ZNF880: variants seen among roughly 807,000 people sequenced by gnomAD.
ZNF880 encodes the protein zinc finger protein LOC400713.
In ZNF880, 12 loss-of-function variants were observed where a neutral mutation model predicts 11.8. The ratio of observed to expected loss-of-function variants is 1.02; its 90% CI spans 0.65 to 1.65. The LOEUF is 1.65. Among genes scored for constraint, ZNF880 ranks in the 40% most tolerant of loss-of-function variants. The pLI, the probability that ZNF880 is intolerant of heterozygous loss-of-function variation, is 0.00. For missense variants in ZNF880, 601 were observed against 673.9 expected, an observed-to-expected ratio of 0.89 and a Z score of 1.20; for synonymous variants, 210 against 232.4, an observed-to-expected ratio of 0.90 and a Z score of 0.88.
At chr19:52,378,562 G>A (rs962151802) in intron 3 of ZNF880, among the ~76,000 whole-genome samples, 3 of 147,994 alleles carry the variant, frequency 2.0e-5, no homozygotes, top group South Asian at 2.1e-4. Flanking sequence ...CAGGAGAATC[G>A]CTTCAACCCG....
rs778407721 is a variant in ZNF880 at position 52,374,300 on chromosome 19, A to T, written c.141A>T (p.Gly47=). Residue 47 remains glycine, a splice_region_variant and synonymous_variant, in exon 3 of 4, where the codon GGA becomes GGT. Coordinates refer to ENST00000422689, the MANE Select transcript of ZNF880 (RefSeq NM_001145434.2). Reference sequence around the variant, plus strand: ...GATATTCTTTCTTTTTTTAAATAGGAATCTGTCTTCCTGACCTGAGTGTTA... The same window carrying T: ...GATATTCTTTCTTTTTTTAAATAGGTATCTGTCTTCCTGACCTGAGTGTTA... ...VENYRNLVFL[G]ICLPDLSVIS... 1 of 1,611,648 alleles carries T rather than the reference A, an allele frequency of 6.2e-7. No homozygotes were observed. The highest frequency in any genetic ancestry group is 1.1e-5 in the South Asian group (1 of 90,922).
intron 3 of ZNF880, among the ~76,000 whole-genome samples, chr19:52,378,300 AG>A (rs1255824702): frequency 6.6e-6 from 1 of 152,150 alleles, no homozygotes; most frequent in African/African-American, 2.4e-5. Context: ...TAACGGGAGT[AG>A]GTGGCTCTTC....
chr19:52,370,979 A>C (rs1986351367), intron 1 of ZNF880, among the ~76,000 whole-genome samples: 1 of 152,226 alleles, frequency 6.6e-6, no homozygotes, highest in African/African-American at 2.4e-5. Flanking sequence ...CAACTCTTTC[A>C]GTTGTCACAT....
the ZNF880 span, among the ~76,000 whole-genome samples, chr19:52,394,250 A>G: frequency 6.6e-6 from 1 of 151,618 alleles, no homozygotes; most frequent in African/African-American, 2.4e-5. Flanking sequence ...TATTATTATT[A>G]TTTTGAGACA....
At chr19:52,377,542 G>C (rs1056586748) in intron 3 of ZNF880, among the ~76,000 whole-genome samples, 3 of 152,184 alleles carry the variant, frequency 2.0e-5, no homozygotes, top group African/African-American at 7.2e-5. Context: ...CCCTACCTCA[G>C]CAACCAATCA....
At chr19:52,387,763 A>T (rs989399790), downstream of ZNF880, among the ~76,000 whole-genome samples, 1 of 142,992 alleles carries the variant, frequency 7.0e-6, no homozygotes, top group Non-Finnish European at 1.5e-5. Flanking sequence ...ATACTATTAA[A>T]TGAAAGAAAG....
At chr19:52,374,246 G>A (rs1986485743) in intron 2 of ZNF880, 53 bp from the exon 3 acceptor site, 1 of 1,490,670 alleles carries the variant, frequency 6.7e-7, no homozygotes, top group South Asian at 1.3e-5. Flanking sequence ...GTAGAGATGG[G>A]GTTTCACCGT....
chr19:52,379,203 T>G (rs1986640405), intron 3 of ZNF880, among the ~76,000 whole-genome samples: 1 of 150,354 alleles, frequency 6.7e-6, no homozygotes, highest in Non-Finnish European at 1.5e-5. Flanking sequence ...TGGCCATTGA[T>G]TTATATATTT....
At chr19:52,381,730 T>C (rs1384425914) in intron 3 of ZNF880, among the ~76,000 whole-genome samples, 1 of 152,170 alleles carries the variant, frequency 6.6e-6, no homozygotes, top group Non-Finnish European at 1.5e-5. Context: ...GAATCCCATC[T>C]CTTGTGTGTG....
intron 3 of ZNF880, among the ~76,000 whole-genome samples, chr19:52,376,559 G>A (rs1373027606): frequency 7.5e-6 from 1 of 132,492 alleles, no homozygotes; most frequent in Non-Finnish European, 1.6e-5. Context: ...GCCCAGGCTG[G>A]AGTGCAATGG....
chr19:52,375,247 C>T (rs1029650192), intron 3 of ZNF880, among the ~76,000 whole-genome samples: 1 of 151,434 alleles, frequency 6.6e-6, no homozygotes, highest in African/African-American at 2.4e-5. Context: ...AGGGCAGTGG[C>T]ACGATCCTGG....
At position 52,373,179 on chromosome 19, in the gene ZNF880, TC is replaced by T; in HGVS notation, c.82del (p.Gln28ArgfsTer8). The T allele has an allele frequency of 1.9e-6, 3 of 1,613,352 alleles. No individual in the cohort carries two copies. Among genetic ancestry groups the T allele is most frequent in the Non-Finnish European group, 2.5e-6 (3 of 1,179,536 alleles). ...AGGAGTGGAAATGTCTGGACCCTGC[TC>T]AGAGGACTTTATACAGGGAAGTGAT... Reference protein sequence around the residue: ...QEEWKCLDPAQRTLYREVMVE... With the variant: ...QEEWKCLDPAXRTLYREVMVE... On this transcript the variant is annotated frameshift_variant, in exon 2 of 4. Coordinates refer to ENST00000422689, the MANE Select transcript of ZNF880 (RefSeq NM_001145434.2). LOFTEE classifies it high-confidence loss of function.
At chr19:52,369,855 G>A (rs932663426), upstream of ZNF880, 2 of 1,402,838 alleles carry the variant, frequency 1.4e-6, no homozygotes. Context: ...GAGCGAGGCG[G>A]AGGGAAGCGC....
In ZNF880 at chr19:52,384,075, T is replaced by G. The variant is rs1395462751; in HGVS notation, c.495T>G (p.Phe165Leu). Residue 165 changes from phenylalanine (F) to leucine (L), a missense_variant, in exon 4 of 4, where the codon TTT (phenylalanine) becomes TTG (leucine). Phe to Leu is a conservative substitution (Grantham distance 22, BLOSUM62 0). This residue lies in a region of ZNF880 where 420 missense variants were observed against 442.6 expected (regional missense o/e 0.95). Coordinates refer to ENST00000422689, the MANE Select transcript of ZNF880 (RefSeq NM_001145434.2). Reference protein sequence around the residue: ...SHILNKYRNDFDDSPFLPQEQ... With the variant: ...SHILNKYRNDLDDSPFLPQEQ... ...TTTTAAATAAATACAGAAATGATTT[T>G]GATGATTCTCCATTTCTCCCACAAG... 1 of 1,579,796 alleles carries G rather than the reference T, an allele frequency of 6.3e-7. No individual in the cohort carries two copies. The highest frequency in any genetic ancestry group is 1.9e-5 in the Admixed American group (1 of 53,558).
chr19:52,384,512 T>C lies in ZNF880; in HGVS notation c.932T>C (p.Leu311Pro), dbSNP rs183216835. The C allele has an allele frequency of 2.0e-4, 326 of 1,614,070 alleles. No individual in the cohort carries two copies. Among genetic ancestry groups the C allele is most frequent in the Admixed American group, 2.8e-4 (17 of 60,012 alleles). Residue 311 changes from leucine to proline, a missense_variant, in exon 4 of 4, where the codon CTT (leucine) becomes CCT (proline). By Grantham distance (98) the Leu-to-Pro change is moderately conservative. Transcript: ENST00000422689. ...AAGGTCTTCAACAGAAATGCACACC[T>C]TGCACGACATCAGAAAATTCATAGT... ...CGKVFNRNAH[L>P]ARHQKIHSGE...
rs972154843 is a variant in ZNF880 at position 52,385,325 on chromosome 19, G to T, written c.*11G>T. The T allele has an allele frequency of 2.6e-6, 4 of 1,548,996 alleles. No homozygotes were observed. In the East Asian group the frequency reaches 7.3e-5, roughly 28 times the overall value. Reference sequence around the variant, plus strand: ...AAACCGTACAGATGAAATGTGTGTGGTAAGATCTTTAGTAATAATTCACAC... The same window carrying T: ...AAACCGTACAGATGAAATGTGTGTGTTAAGATCTTTAGTAATAATTCACAC... On this transcript the variant is annotated 3_prime_UTR_variant, in exon 4 of 4. Transcript: ENST00000422689.
chr19:52,370,306 TC>T lies in ZNF880; in HGVS notation c.12+334del, dbSNP rs374633683. The stretch of plus-strand genomic sequence containing the variant: ...GCGAGATGGATCCACGTCTTTCCGG[TC>T]CCCCAAGCCTCGCCCTCTTTTCACA... On this transcript the variant is annotated intron_variant, in intron 1 of 3. Transcript: ENST00000422689. 6.9e-4 allele frequency: 251 copies of T among 361,988 alleles called. 1 individual carries two copies. The highest frequency in any genetic ancestry group is 4.8e-3 in the African/African-American group (233 of 48,990). 22.4% of individuals were successfully genotyped at this position (361,988 alleles called of 1,614,324 possible).
chr19:52,381,225 CAGG>C (rs1986697550), intron 3 of ZNF880, among the ~76,000 whole-genome samples: 1 of 152,180 alleles, frequency 6.6e-6, no homozygotes, highest in Non-Finnish European at 1.5e-5. Flanking sequence ...GCTGTGATTA[CAGG>C]CATGAGCCAC....
At chr19:52,374,563 C>A (rs1986499738) in intron 3 of ZNF880, 136 bp downstream of exon 3, 1 of 1,093,334 alleles carries the variant, frequency 9.1e-7, no homozygotes, top group Non-Finnish European at 1.4e-6. Flanking sequence ...CCTCAAACTC[C>A]TGGTCTCAAG....
Sources: gnomAD v4.1 joint callset for allele counts (sites outside exome capture counted in the v4.1 genomes callset) on GRCh38, gnomAD v4.1.1 for gene constraint, gnomAD v4.1.1 regional missense constraint, MANE v1.5 for transcripts, NCBI Gene and HGNC (gene_info 2026-07-23, HGNC 2026-07-21) for gene names.